The following PCED1B variants were observed in gnomAD, a reference collection of about 807,000 sequenced individuals.
PCED1B encodes PC-esterase domain containing 1B, also known as PC-esterase domain-containing protein 1B.
For missense variants in PCED1B, 573 were observed against 573.9 expected, an observed-to-expected ratio of 1.00 and a Z score of 0.02; for synonymous variants, 251 against 246.1, an observed-to-expected ratio of 1.02 and a Z score of -0.19.
At chr12:47,173,024 C>T (rs1941802143) in intron 2 of PCED1B, among the ~76,000 whole-genome samples, 1 of 152,098 alleles carries the variant, frequency 6.6e-6, no homozygotes, top group Non-Finnish European at 1.5e-5. Flanking sequence ...AGGAGAAAAT[C>T]AACTGAGACA....
chr12:47,211,562 G>A (rs1943080028), intron 2 of PCED1B, among the ~76,000 whole-genome samples: 1 of 149,074 alleles, frequency 6.7e-6, no homozygotes. Flanking sequence ...GCTGAGGCAG[G>A]AGAACTGCTT....
chr12:47,217,430 G>GAA (rs200369250), intron 3 of PCED1B, among the ~76,000 whole-genome samples: 2 of 57,774 alleles, frequency 3.5e-5, no homozygotes, highest in Non-Finnish European at 6.9e-5. Flanking sequence ...AGAGAAAGAA[G>GAA]AAAAAAAAAG....
intron 2 of PCED1B, among the ~76,000 whole-genome samples, chr12:47,147,588 T>TATCCATATTCTATTTACC (rs1335208199): frequency 6.6e-6 from 1 of 152,226 alleles, no homozygotes; most frequent in African/African-American, 2.4e-5. Flanking sequence ...TCTATTTGTC[T>TATCCATATTCTATTTACC]ATCCATATTC....
rs553325148 is a variant in PCED1B, at chr12:47,211,802, A to T, written c.-525-4420A>T. On this transcript the variant is annotated intron_variant, in intron 2 of 3. Transcript: ENST00000546455. ...GTAAAACCCAATCTCTCGGCTGGGCACGGTGGCTCACGCCTGTAATCCCAG... is the reference window on the plus strand; with the variant it reads ...GTAAAACCCAATCTCTCGGCTGGGCTCGGTGGCTCACGCCTGTAATCCCAG... Among the ~76,000 whole-genome samples, 20 of 150,212 alleles carry T rather than the reference A, an allele frequency of 1.3e-4. No homozygotes were observed. In the South Asian group the frequency reaches 4.1e-3, roughly 31 times the overall value.
chr12:47,145,627 T>C (rs528239552), intron 2 of PCED1B, among the ~76,000 whole-genome samples: 1 of 152,316 alleles, frequency 6.6e-6, no homozygotes, highest in South Asian at 2.1e-4. Flanking sequence ...TTAGGAATAA[T>C]GCTAAATTAA....
At chr12:47,165,546 A>G (rs1941518364) in intron 2 of PCED1B, among the ~76,000 whole-genome samples, 1 of 152,240 alleles carries the variant, frequency 6.6e-6, no homozygotes, top group Admixed American at 6.5e-5. Flanking sequence ...TGTTTCTACA[A>G]TGAAAGAATT....
At chr12:47,178,428 G>A (rs1034208335) in intron 2 of PCED1B, among the ~76,000 whole-genome samples, 1 of 152,204 alleles carries the variant, frequency 6.6e-6, no homozygotes, top group African/African-American at 2.4e-5. Context: ...TACTTAAGCA[G>A]GTGGAGTGCT....
At chr12:47,149,693 A>C (rs1176348759) in intron 2 of PCED1B, among the ~76,000 whole-genome samples, 1 of 152,208 alleles carries the variant, frequency 6.6e-6, no homozygotes, top group Non-Finnish European at 1.5e-5. Flanking sequence ...TCACAAAAAT[A>C]ATACTTATTC....
At position 47,121,937 on chromosome 12, in the gene PCED1B, C is replaced by G. The variant is rs367758390; in HGVS notation, c.-526+17742C>G. ...ATCCCAGCTACTCGGGAGGCTGAGGCAGGAGAATCGCTTAAACCTAGGGAG... is the reference window on the plus strand; with the variant it reads ...ATCCCAGCTACTCGGGAGGCTGAGGGAGGAGAATCGCTTAAACCTAGGGAG... On this transcript the variant is annotated intron_variant, in intron 2 of 3. Coordinates refer to ENST00000546455, the MANE Select transcript of PCED1B (RefSeq NM_138371.3). 6.0e-5 allele frequency among the ~76,000 whole-genome samples: 9 copies of G among 150,046 alleles called. No individual in the cohort carries two copies. The South Asian group carries it at 1.7e-3, about 28-fold the overall frequency.
chr12:47,139,310 G>A (rs1427907794), intron 2 of PCED1B, among the ~76,000 whole-genome samples: 1 of 152,210 alleles, frequency 6.6e-6, no homozygotes, highest in Non-Finnish European at 1.5e-5. Context: ...GCTAAGGCCA[G>A]TCAGGACAGT....
At chr12:47,095,536 A>G (rs954409569) in intron 1 of PCED1B, among the ~76,000 whole-genome samples, 3 of 152,066 alleles carry the variant, frequency 2.0e-5, no homozygotes, top group African/African-American at 7.2e-5. Context: ...AACTCCAATT[A>G]TATATATGTG....
intron 2 of PCED1B, among the ~76,000 whole-genome samples, chr12:47,198,840 C>A (rs1459292410): frequency 6.6e-6 from 1 of 152,048 alleles, no homozygotes; most frequent in Non-Finnish European, 1.5e-5. Flanking sequence ...GTTGCACATG[C>A]CTGTAATCCC....
chr12:47,235,222 G>A lies in PCED1B; in HGVS notation c.159G>A (p.Glu53=), dbSNP rs200255353. 9.3e-6 allele frequency: 15 copies of A among 1,610,160 alleles called. No homozygotes were observed. The highest frequency in any genetic ancestry group is 2.7e-5 in the African/African-American group (2 of 75,042). The change falls in exon 4 of 4, where the codon GAG becomes GAA. Residue 53 remains glutamate, a synonymous_variant. Transcript: ENST00000546455. ...CCGGGCAGCTTAGAGCAAGGGGGGA[G>A]CTGAACTTCGAACAAGATGAGCTGG... The part of the protein sequence containing the change: ...LTPGQLRARG[E]LNFEQDELVD...
chr12:47,169,631 A>T (rs1941655203), intron 2 of PCED1B, among the ~76,000 whole-genome samples: 1 of 152,104 alleles, frequency 6.6e-6, no homozygotes, highest in African/African-American at 2.4e-5. Context: ...CATTTCTAAC[A>T]CTTTATATAT....
intron 2 of PCED1B, among the ~76,000 whole-genome samples, chr12:47,171,675 A>T (rs1242713338): frequency 6.6e-6 from 1 of 152,168 alleles, no homozygotes; most frequent in East Asian, 1.9e-4. Context: ...TAAAAGAAAG[A>T]TAATATCTTG....
At chr12:47,201,981 T>A (rs192185197) in intron 2 of PCED1B, among the ~76,000 whole-genome samples, 171 of 152,328 alleles carry the variant, frequency 1.1e-3, no homozygotes, top group African/African-American at 4.0e-3. Context: ...GCCACTAAGC[T>A]CTGCCCAATT....
chr12:47,158,601 T>C (rs1255910612), intron 2 of PCED1B, among the ~76,000 whole-genome samples: 2 of 152,200 alleles, frequency 1.3e-5, no homozygotes, highest in East Asian at 3.8e-4. Flanking sequence ...ATTCTGTGGG[T>C]TGTATTTTAC....
At chr12:47,163,741 G>C (rs1293961779) in intron 2 of PCED1B, among the ~76,000 whole-genome samples, 3 of 152,154 alleles carry the variant, frequency 2.0e-5, no homozygotes, top group Admixed American at 6.5e-5. Flanking sequence ...TGGCTGGATA[G>C]TTTATAAAGA....
intron 2 of PCED1B, among the ~76,000 whole-genome samples, chr12:47,133,014 A>G (rs987417851): frequency 5.9e-5 from 9 of 152,354 alleles, no homozygotes; most frequent in Non-Finnish European, 1.2e-4. Context: ...TTTCATATGT[A>G]AAGCTTCAAA....
Sources: gnomAD v4.1 joint callset for allele counts (sites outside exome capture counted in the v4.1 genomes callset) on GRCh38, gnomAD v4.1.1 for gene constraint, MANE v1.5 for transcripts, NCBI Gene and HGNC (gene_info 2026-07-23, HGNC 2026-07-21) for gene names.